ANK3: variants seen among roughly 807,000 people sequenced by gnomAD.
The protein encoded by ANK3 is ankyrin 3.
A neutral mutation model predicts 370.9 loss-of-function variants in ANK3; 57 were observed. The observed-to-expected ratio is 0.15, with a 90% CI of 0.12 to 0.19. The LOEUF (loss-of-function observed/expected upper bound fraction) is 0.19. Ranked by LOEUF, ANK3 falls within the 10% of genes least tolerant of loss-of-function variation. The pLI is 1.00. For missense variants in ANK3, 4,439 were observed against 5,302.1 expected (o/e 0.84, Z 5.06); for synonymous variants, 1,929 against 1,946.3 (o/e 0.99, Z 0.23).
chr10:60,686,874 C>A (rs1337784797), intron 1 of ANK3, among the ~76,000 whole-genome samples: 1 of 152,106 alleles, frequency 6.6e-6, no homozygotes. Flanking sequence ...ATGCACCCTG[C>A]AAAATAGAGT....
chr10:60,289,390 C>T (rs2040815282), intron 1 of ANK3, among the ~76,000 whole-genome samples: 1 of 151,368 alleles, frequency 6.6e-6, no homozygotes. Context: ...TCCCCTCCCC[C>T]TTTCTCTTTC....
At chr10:60,035,507 C>T (rs1033241818) in intron 43 of ANK3, among the ~76,000 whole-genome samples, 5 of 151,742 alleles carry the variant, frequency 3.3e-5, no homozygotes, top group Non-Finnish European at 5.9e-5. Flanking sequence ...CCTGCCTTGG[C>T]CTCCCGAAGT....
chr10:60,088,606 G>A (rs1214354172), intron 28 of ANK3, among the ~76,000 whole-genome samples: 2 of 152,084 alleles, frequency 1.3e-5, no homozygotes, highest in African/African-American at 2.4e-5. Flanking sequence ...TGTATTCTCA[G>A]TAGAGACAGG....
Position 60,068,898 on chromosome 10 carries a change from G to A in ANK3, c.11983C>T (p.His3995Tyr). The A allele has an allele frequency of 6.2e-7, 1 of 1,614,090 alleles. No homozygotes were observed. ...RKSQLKEVCKHSIEYFKGISG... is the reference protein window; with the variant it reads ...RKSQLKEVCKYSIEYFKGISG... Reference sequence around the variant, plus strand: ...ATTCCCTTAAAATATTCAATGGAATGTTTACATACTTCCTTGAGCTGACTT... The same window carrying A: ...ATTCCCTTAAAATATTCAATGGAATATTTACATACTTCCTTGAGCTGACTT... Residue 3995 changes from histidine (H) to tyrosine (Y), a missense_variant, in exon 37 of 44, where the codon CAT (histidine) becomes TAT (tyrosine). By Grantham distance (83) the His-to-Tyr change is moderately conservative. Coordinates refer to ENST00000280772, the MANE Select transcript of ANK3 (RefSeq NM_020987.5).
chr10:60,184,360 T>G (rs1429335816), intron 17 of ANK3, among the ~76,000 whole-genome samples: 1 of 152,184 alleles, frequency 6.6e-6, no homozygotes, highest in Admixed American at 6.5e-5. Flanking sequence ...TGTTTTCACA[T>G]CAGGGCATAT....
At chr10:60,359,955 T>C (rs2058344565) in intron 1 of ANK3, among the ~76,000 whole-genome samples, 1 of 152,274 alleles carries the variant, frequency 6.6e-6, no homozygotes, top group Non-Finnish European at 1.5e-5. Flanking sequence ...AGCACAACTC[T>C]ACTATTCGTT....
Position 60,072,716 on chromosome 10 carries a change from A to T in ANK3, c.8165T>A (p.Phe2722Tyr). 1 of 1,613,898 alleles carries T rather than the reference A, an allele frequency of 6.2e-7. No individual in the cohort carries two copies. The highest frequency in any genetic ancestry group is 8.5e-7 in the Non-Finnish European group (1 of 1,179,964). The change falls in exon 37 of 44, where the codon TTT becomes TAT. Residue 2722 changes from phenylalanine to tyrosine, a missense_variant. Phe to Tyr is a conservative substitution (Grantham distance 22, BLOSUM62 3). This residue lies in a region of ANK3 where 1,601 missense variants were observed against 1,731.7 expected (regional missense o/e 0.92). Coordinates refer to ENST00000280772, the MANE Select transcript of ANK3 (RefSeq NM_020987.5). ...QSKLSSIRLK[F>Y]EQGTHAKSKD... Reference sequence around the variant, plus strand: ...ACTTTTTGCGTGTGTGCCTTGTTCAAATTTTAATCTAATGGAACTGAGTTT... The same window carrying T: ...ACTTTTTGCGTGTGTGCCTTGTTCATATTTTAATCTAATGGAACTGAGTTT...
At chr10:60,164,492 G>GA (rs72346571) in intron 23 of ANK3, among the ~76,000 whole-genome samples, 3,116 of 125,128 alleles carry the variant, frequency 0.025, 50 homozygotes, top group Non-Finnish European at 0.035. Flanking sequence ...TGATATACCT[G>GA]AAAAAAAAAA....
intron 1 of ANK3, among the ~76,000 whole-genome samples, chr10:60,622,828 G>A (rs899257015): frequency 6.6e-6 from 1 of 152,130 alleles, no homozygotes; most frequent in African/African-American, 2.4e-5. Context: ...GGGACCAACG[G>A]AACCCAGTCA....
chr10:60,325,652 T>C (rs187809923), intron 1 of ANK3, among the ~76,000 whole-genome samples: 40 of 152,300 alleles, frequency 2.6e-4, no homozygotes, highest in African/African-American at 8.4e-4. Context: ...CAGAAAATTA[T>C]CCTTTGTGAA....
chr10:60,447,551 T>TG (rs892171683), intron 2 of ANK3, among the ~76,000 whole-genome samples: 23 of 151,866 alleles, frequency 1.5e-4, no homozygotes, highest in African/African-American at 3.6e-4. Context: ...TGTCTGCATG[T>TG]GGGGGGGAAA....
At chr10:60,487,551 G>A (rs570501703) in intron 2 of ANK3, among the ~76,000 whole-genome samples, 1 of 151,674 alleles carries the variant, frequency 6.6e-6, no homozygotes, top group East Asian at 1.9e-4. Flanking sequence ...TAGGGATGGT[G>A]GCAGTGCAGA....
intron 28 of ANK3, among the ~76,000 whole-genome samples, chr10:60,102,509 C>T (rs2091453777): frequency 6.6e-6 from 1 of 152,102 alleles, no homozygotes; most frequent in South Asian, 2.1e-4. Context: ...GATGAGAAGT[C>T]TAGTCTGTGT....
intron 2 of ANK3, among the ~76,000 whole-genome samples, chr10:60,585,273 C>T (rs1276098424): frequency 6.6e-6 from 1 of 152,150 alleles, no homozygotes; most frequent in African/African-American, 2.4e-5. Context: ...GAAAGGCGGA[C>T]TGCATGCTTG....
intron 8 of ANK3, among the ~76,000 whole-genome samples, chr10:60,226,552 ATAG>A (rs1341752937): frequency 1.9e-4 from 3 of 15,552 alleles, no homozygotes; most frequent in South Asian, 3.6e-3. Flanking sequence ...TATATATACT[ATAG>A]TATATATACA....
intron 2 of ANK3, among the ~76,000 whole-genome samples, chr10:60,504,484 TC>T (rs984396208): frequency 6.6e-6 from 1 of 151,950 alleles, no homozygotes; most frequent in Non-Finnish European, 1.5e-5. Context: ...AAGGCTTTTT[TC>T]CCCCCCAGAA....
At chr10:60,348,444 C>T (rs4948404) in intron 1 of ANK3, among the ~76,000 whole-genome samples, 105,297 of 150,724 alleles carry the variant, frequency 0.7, 38,015 homozygotes, top group South Asian at 0.91. Flanking sequence ...CCGGAGACAG[C>T]AGTAGATAGT....
At chr10:60,081,975 G>T in intron 35 of ANK3, 175 bp downstream of exon 35, 1 of 458,610 alleles carries the variant, frequency 2.2e-6, no homozygotes, top group Non-Finnish European at 3.8e-6. Context: ...GTACTCTTAA[G>T]TACGTGTGGA....
intron 7 of ANK3, among the ~76,000 whole-genome samples, chr10:60,240,231 CAT>C (rs1334919779): frequency 5.0e-5 from 7 of 140,812 alleles, no homozygotes; most frequent in South Asian, 2.2e-4. Flanking sequence ...TATATACACA[CAT>C]ATATATACAC....
Sources: gnomAD v4.1 joint callset for allele counts (sites outside exome capture counted in the v4.1 genomes callset) on GRCh38, gnomAD v4.1.1 for gene constraint, gnomAD v4.1.1 regional missense constraint, MANE v1.5 for transcripts, NCBI Gene and HGNC (gene_info 2026-07-23, HGNC 2026-07-21) for gene names.